The following INPP5A variants were observed in gnomAD, a reference collection of about 807,000 sequenced individuals.
INPP5A encodes 43 kDa inositol polyphosphate 5-phophatase.
In INPP5A, 14 loss-of-function variants were observed where a neutral mutation model predicts 65.2. The ratio of observed to expected loss-of-function variants is 0.21; its 90% CI spans 0.14 to 0.34. The LOEUF (loss-of-function observed/expected upper bound fraction) is 0.34. Among genes scored for constraint, INPP5A ranks in the 10% least tolerant of loss-of-function variants. The pLI, the probability that INPP5A is intolerant of heterozygous loss-of-function variation, is 1.00. For synonymous variants in INPP5A, 207 were observed against 208.3 expected, an observed-to-expected ratio of 0.99 and a Z score of 0.05; for missense variants, 431 against 545.6, an observed-to-expected ratio of 0.79 and a Z score of 2.09.
At chr10:132,693,934 G>GAGACTT (rs1845306985) in intron 5 of INPP5A, among the ~76,000 whole-genome samples, 1 of 152,182 alleles carries the variant, frequency 6.6e-6, no homozygotes, top group African/African-American at 2.4e-5. Flanking sequence ...ATCATAGTTA[G>GAGACTT]AGACTTCAAC....
chr10:132,675,481 G>C lies in INPP5A; in HGVS notation c.307-14911G>C, dbSNP rs760966283. ...GGGCAAATGGCCATGGGCATTGGTT[G>C]TGTAAACCGAGGCACCTCCTGCAGT... On this transcript the variant is annotated intron_variant, in intron 4 of 15. Transcript: ENST00000368594. The surrounding 1 kb of genome is among the most constrained non-coding windows in gnomAD (Gnocchi z 4.2). Among the ~76,000 whole-genome samples the C allele has an allele frequency of 2.6e-5, 4 of 152,246 alleles. No homozygotes were observed. The highest frequency in any genetic ancestry group is 2.0e-4 in the Admixed American group (3 of 15,290).
Position 132,782,320 on chromosome 10 carries a change from T to G in INPP5A, c.*291T>G. ...ACTCTAATAGACAGCAAAGAGGGTC[T>G]GTACCGTAGACTTCACAGTTTTCAG... is the stretch of plus-strand genomic sequence containing the variant. On this transcript the variant is annotated 3_prime_UTR_variant, in exon 16 of 16. Transcript: ENST00000368594. This position sits in a 1 kb window ranked among gnomAD's most constrained non-coding sequence, Gnocchi z 4.4. 1 of 352,274 alleles carries G rather than the reference T, an allele frequency of 2.8e-6. No individual in the cohort carries two copies. Among genetic ancestry groups the G allele is most frequent in the Non-Finnish European group, 5.5e-6 (1 of 181,610 alleles). The allele number at this position is 352,274 out of a possible 1,614,324, so 21.8% of individuals were successfully genotyped here. A position where few individuals can be genotyped will look rare whatever the true frequency, so the allele number is the denominator to read the frequency against.
chr10:132,544,440 C>A (rs1319123337), intron 1 of INPP5A, among the ~76,000 whole-genome samples: 2 of 151,032 alleles, frequency 1.3e-5, no homozygotes, highest in African/African-American at 2.4e-5. Context: ...TCTCAGCAGT[C>A]TTTTTTTTTG....
At position 132,607,925 on chromosome 10, in the gene INPP5A, T is replaced by C; in HGVS notation, c.86T>C (p.Leu29Pro). 6.2e-7 allele frequency: 1 copy of C among 1,610,908 alleles called. No individual in the cohort carries two copies. Among genetic ancestry groups the C allele is most frequent in the Admixed American group, 1.7e-5 (1 of 60,034 alleles). The change falls in exon 2 of 16, where the codon CTG (leucine) becomes CCG (proline). Residue 29 changes from leucine (L) to proline (P), a missense_variant. By Grantham distance (98) the Leu-to-Pro change is moderately conservative. Transcript: ENST00000368594. The part of the protein sequence containing the change: ...VGSLFDDPEN[L>P]QKNWLREFYQ... Reference sequence around the variant, plus strand: ...CTTCTTAATTTACAGCCAGAAAACCTGCAGAAGAACTGGCTTCGGGAATTT... The same window carrying C: ...CTTCTTAATTTACAGCCAGAAAACCCGCAGAAGAACTGGCTTCGGGAATTT...
intron 8 of INPP5A, among the ~76,000 whole-genome samples, chr10:132,716,827 T>C (rs1291534820): frequency 6.6e-6 from 1 of 152,178 alleles, no homozygotes; most frequent in Non-Finnish European, 1.5e-5. Flanking sequence ...GTGGAGAGCA[T>C]GAGAGCGGCG....
chr10:132,542,840 G>A (rs571256168), intron 1 of INPP5A, among the ~76,000 whole-genome samples: 5 of 152,294 alleles, frequency 3.3e-5, no homozygotes, highest in African/African-American at 1.2e-4. Flanking sequence ...GTCTCATTCT[G>A]TCACCCAGGC....
chr10:132,623,972 T>G (rs2072140989), intron 2 of INPP5A, among the ~76,000 whole-genome samples: 1 of 152,164 alleles, frequency 6.6e-6, no homozygotes, highest in Non-Finnish European at 1.5e-5. Context: ...TTAGACTGGC[T>G]AAAATTCAAT....
At chr10:132,553,931 A>G (rs1290050469) in intron 1 of INPP5A, among the ~76,000 whole-genome samples, 2 of 148,532 alleles carry the variant, frequency 1.3e-5, no homozygotes, top group Non-Finnish European at 3.0e-5. Context: ...TTGGTGGAAT[A>G]TTGGGTAGGA....
At chr10:132,602,158 C>G (rs1226106078) in intron 1 of INPP5A, among the ~76,000 whole-genome samples, 2 of 152,200 alleles carry the variant, frequency 1.3e-5, no homozygotes, top group Non-Finnish European at 2.9e-5. Flanking sequence ...GTGTTCAAGT[C>G]TTGCCTCCTT....
chr10:132,652,032 C>G (rs2072584520), intron 4 of INPP5A, among the ~76,000 whole-genome samples: 1 of 151,930 alleles, frequency 6.6e-6, no homozygotes. Flanking sequence ...CCCTCTCCCC[C>G]TTGGTCCCTC....
chr10:132,661,157 A>G (rs184025356), intron 4 of INPP5A, among the ~76,000 whole-genome samples: 152 of 152,308 alleles, frequency 1.0e-3, no homozygotes, highest in African/African-American at 3.4e-3. Flanking sequence ...TCTTCGTGAT[A>G]TGGTTTCAAA....
At chr10:132,755,486 ATGAG>A (rs1846584484) in intron 11 of INPP5A, among the ~76,000 whole-genome samples, 1 of 114,266 alleles carries the variant, frequency 8.8e-6, no homozygotes, top group African/African-American at 3.7e-5. Flanking sequence ...GCATACGCAT[ATGAG>A]TGGGTGTGTG....
At chr10:132,760,236 C>G (rs1401942992) in intron 11 of INPP5A, among the ~76,000 whole-genome samples, 1 of 152,254 alleles carries the variant, frequency 6.6e-6, no homozygotes, top group Admixed American at 6.5e-5. Context: ...AAGGCACAGC[C>G]CGGGCCTGGC....
intron 2 of INPP5A, among the ~76,000 whole-genome samples, chr10:132,630,966 C>T (rs1447293388): frequency 2.0e-5 from 3 of 152,160 alleles, no homozygotes; most frequent in Non-Finnish European, 4.4e-5. Flanking sequence ...AGTCACTTGC[C>T]CTATCTCTGG....
rs770670106 is a variant in INPP5A, at chr10:132,710,474, G to A, written c.647+18G>A. On this transcript the variant is annotated intron_variant, in intron 8 of 15. Coordinates refer to ENST00000368594, the MANE Select transcript of INPP5A (RefSeq NM_005539.5). ...CTGGACAGGTAGGTGTGGGCGGGCA[G>A]GTAGGCGTGGGCCGGGCAAGTAGGT... The A allele has an allele frequency of 9.9e-6, 16 of 1,610,490 alleles. No individual in the cohort carries two copies. The highest frequency in any genetic ancestry group is 3.4e-6 in the Non-Finnish European group (4 of 1,178,654).
intron 2 of INPP5A, among the ~76,000 whole-genome samples, chr10:132,635,807 T>C (rs2072341710): frequency 6.6e-6 from 1 of 150,720 alleles, no homozygotes; most frequent in African/African-American, 2.4e-5. Flanking sequence ...CTCTCGAAGA[T>C]TTAAAAAAAA....
At chr10:132,554,946 G>A (rs987369664) in intron 1 of INPP5A, among the ~76,000 whole-genome samples, 2 of 148,442 alleles carry the variant, frequency 1.3e-5, no homozygotes, top group African/African-American at 2.5e-5. Context: ...GGTGGCATGG[G>A]TAGCATGGTC....
At chr10:132,652,206 C>T (rs941745498) in intron 4 of INPP5A, among the ~76,000 whole-genome samples, 5 of 152,186 alleles carry the variant, frequency 3.3e-5, no homozygotes, top group Non-Finnish European at 7.3e-5. Context: ...AAGAAAAACA[C>T]CACTGGGGGA....
chr10:132,696,011 C>T (rs555837004), intron 5 of INPP5A, among the ~76,000 whole-genome samples: 9 of 152,252 alleles, frequency 5.9e-5, no homozygotes, highest in African/African-American at 7.2e-5. Context: ...AGAGCCCTCA[C>T]GAATGGGATC....
Sources: gnomAD v4.1 joint callset for allele counts (sites outside exome capture counted in the v4.1 genomes callset) on GRCh38, gnomAD v4.1.1 for gene constraint, Gnocchi (gnomAD v3.1) non-coding constraint, MANE v1.5 for transcripts, NCBI Gene and HGNC (gene_info 2026-07-23, HGNC 2026-07-21) for gene names.